Variants in AXDND1 observed in about 807,000 individuals in gnomAD.
The protein encoded by AXDND1 is axonemal dynein light chain domain containing 1, also known as axonemal dynein light chain domain-containing protein 1.
AXDND1 carries 110 observed loss-of-function variants against 137.5 expected under a neutral mutation model. The observed-to-expected ratio is 0.80, with a 90% confidence interval of 0.69 to 0.94. The LOEUF (loss-of-function observed/expected upper bound fraction) is 0.94, where lower values mean the gene tolerates loss of function less well. Among genes scored for constraint, AXDND1 ranks in the 40% least tolerant of loss-of-function variants. AXDND1 has a pLI of 0.00. For synonymous variants in AXDND1, 414 were observed against 399.7 expected (o/e 1.04, Z -0.43); for missense variants, 1,191 against 1,169.8 (o/e 1.02, Z -0.26).
intron 25 of AXDND1, among the ~76,000 whole-genome samples, chr1:179,546,542 G>T (rs1199932623): frequency 6.6e-6 from 1 of 152,144 alleles, no homozygotes; most frequent in African/African-American, 2.4e-5. Context: ...TGAGGCTGTT[G>T]TGCTTGCATA....
intron 7 of AXDND1, among the ~76,000 whole-genome samples, chr1:179,383,057 A>G (rs570998159): frequency 2.0e-5 from 3 of 152,144 alleles, no homozygotes; most frequent in Non-Finnish European, 2.9e-5. Flanking sequence ...CCATTTTGCT[A>G]TAGTCTTTTT....
intron 12 of AXDND1, among the ~76,000 whole-genome samples, chr1:179,420,374 G>A (rs1655488472): frequency 6.6e-6 from 1 of 152,070 alleles, no homozygotes; most frequent in Non-Finnish European, 1.5e-5. Flanking sequence ...TTACATCTGT[G>A]TTCATCCATG....
intron 25 of AXDND1, among the ~76,000 whole-genome samples, chr1:179,553,504 A>C (rs769169202): frequency 5.3e-5 from 8 of 152,248 alleles, no homozygotes; most frequent in Non-Finnish European, 1.2e-4. Flanking sequence ...AGCCAGACAC[A>C]AAAAGCCATA....
At chr1:179,508,702 G>A (rs573472748) in intron 20 of AXDND1, among the ~76,000 whole-genome samples, 5 of 148,608 alleles carry the variant, frequency 3.4e-5, no homozygotes, top group Admixed American at 1.3e-4. Context: ...CACTTTATTA[G>A]CAGTAGAGGG....
intron 9 of AXDND1, 135 bp downstream of exon 9, chr1:179,385,494 T>C: frequency 9.5e-7 from 1 of 1,049,632 alleles, no homozygotes; most frequent in African/African-American, 1.6e-5. Context: ...CTGCATTTTT[T>C]TTTCTTTTTT....
chr1:179,483,349 T>C, intron 18 of AXDND1, 128 bp downstream of exon 18: 1 of 523,406 alleles, frequency 1.9e-6, no homozygotes, highest in Non-Finnish European at 3.4e-6. Context: ...GCTTGTATAA[T>C]AATTTCTCAA....
chr1:179,499,030 A>G (rs975628698), intron 20 of AXDND1, among the ~76,000 whole-genome samples: 7 of 152,270 alleles, frequency 4.6e-5, no homozygotes, highest in African/African-American at 1.7e-4. Context: ...GAGATTTCTC[A>G]AAGAACTTAA....
intron 25 of AXDND1, chr1:179,552,543 A>G: frequency 7.6e-7 from 1 of 1,314,698 alleles, no homozygotes; most frequent in Non-Finnish European, 1.1e-6. Flanking sequence ...CAAAGGGGAA[A>G]TGTTCTCCAC....
At chr1:179,530,237 G>T (rs1030060416) in intron 23 of AXDND1, among the ~76,000 whole-genome samples, 1 of 152,038 alleles carries the variant, frequency 6.6e-6, no homozygotes, top group African/African-American at 2.4e-5. Flanking sequence ...CATTATGTTG[G>T]TCAGGCTGGT....
At chr1:179,546,739 G>A (rs1672688857) in intron 25 of AXDND1, among the ~76,000 whole-genome samples, 1 of 152,120 alleles carries the variant, frequency 6.6e-6, no homozygotes, top group Admixed American at 6.5e-5. Context: ...ACTGTTTTGG[G>A]AGTGCATACC....
At chr1:179,531,017 G>C (rs1670991307) in intron 23 of AXDND1, among the ~76,000 whole-genome samples, 1 of 152,192 alleles carries the variant, frequency 6.6e-6, no homozygotes, top group Admixed American at 6.5e-5. Flanking sequence ...AGGCTCAAAG[G>C]TTAGGCTTTT....
chr1:179,521,533 G>A (rs950281735), intron 21 of AXDND1, among the ~76,000 whole-genome samples: 1 of 151,908 alleles, frequency 6.6e-6, no homozygotes, highest in Admixed American at 6.6e-5. Flanking sequence ...TCTTGTTTCT[G>A]ACTTTAGCAG....
intron 18 of AXDND1, among the ~76,000 whole-genome samples, chr1:179,490,054 C>T (rs1389302890): frequency 6.6e-6 from 1 of 152,096 alleles, no homozygotes; most frequent in African/African-American, 2.4e-5. Flanking sequence ...TAGGCTACTA[C>T]ATTTTATTTT....
Position 179,472,391 on chromosome 1 carries a change from T to G in AXDND1, c.1997+3750T>G, listed in dbSNP as rs1664065183. ...TTTTATATTATTCTAGCATTAAAAT[T>G]ATAGAGGTTTGTTTTACAGCCTAGC... is the stretch of plus-strand genomic sequence containing the variant. On this transcript the variant is annotated intron_variant, in intron 17 of 25. Transcript: ENST00000367618. Among the ~76,000 whole-genome samples, 3 of 152,332 alleles carry G rather than the reference T, an allele frequency of 2.0e-5. No homozygotes were observed. In the South Asian group the frequency reaches 6.2e-4, roughly 32 times the overall value.
Position 179,411,322 on chromosome 1 carries a change from A to C in AXDND1, c.1230+56A>C, listed in dbSNP as rs1653831379. 1.9e-6 allele frequency: 3 copies of C among 1,567,800 alleles called. No individual in the cohort carries two copies. The Admixed American group carries it at 6.2e-5, about 32-fold the overall frequency. ...TCTTTTTTGGCTAAAGATTCATTCTACAGTTTTAAAATTTGTTTTTTTTGT... is the reference window on the plus strand; with the variant it reads ...TCTTTTTTGGCTAAAGATTCATTCTCCAGTTTTAAAATTTGTTTTTTTTGT... On this transcript the variant is annotated intron_variant, in intron 12 of 25. Transcript: ENST00000367618.
chr1:179,549,999 G>A (rs1310407492), intron 25 of AXDND1, among the ~76,000 whole-genome samples: 1 of 152,000 alleles, frequency 6.6e-6, no homozygotes, highest in Non-Finnish European at 1.5e-5. Context: ...ATACTCCTGG[G>A]TCTGGTAGAT....
chr1:179,533,222 C>T (rs12408477), intron 23 of AXDND1: 15,556 of 152,086 alleles, frequency 0.1, 1,134 homozygotes, highest in East Asian at 0.35. Context: ...AGTTTTTGTC[C>T]TCTAAATTTC....
chr1:179,432,174 ATATGT>A (rs1279257162), intron 14 of AXDND1, 88 bp from the exon 15 acceptor site: 1 of 1,407,566 alleles, frequency 7.1e-7, no homozygotes, highest in Non-Finnish European at 9.4e-7. Flanking sequence ...TTGAGGAGAA[ATATGT>A]TAGTTGTTTA....
In AXDND1 at chr1:179,366,400, G is replaced by T; in HGVS notation, c.-106-4G>T. 9 of 709,040 alleles carry T rather than the reference G, an allele frequency of 1.3e-5. No homozygotes were observed. Among genetic ancestry groups the T allele is most frequent in the Non-Finnish European group, 1.7e-5 (7 of 415,630 alleles). 43.9% of individuals were successfully genotyped at this position (709,040 alleles called of 1,614,324 possible). On this transcript the variant is annotated splice_polypyrimidine_tract_variant and splice_region_variant and intron_variant, in intron 1 of 25. Transcript: ENST00000367618. ...TTTTTAAATCTTTTTTCCTCTGCCT[G>T]CAGGACTATGTGGCAGCCTGCAAGT...
Sources: gnomAD v4.1 joint callset for allele counts (sites outside exome capture counted in the v4.1 genomes callset) on GRCh38, gnomAD v4.1.1 for gene constraint, MANE v1.5 for transcripts, NCBI Gene and HGNC (gene_info 2026-07-23, HGNC 2026-07-21) for gene names.